NALF1: variants seen among roughly 807,000 people sequenced by gnomAD.
The protein encoded by NALF1 is family with sequence similarity 155 member A.
Under a neutral mutation model 48.4 loss-of-function variants are expected in NALF1, and 3 were observed. The observed-to-expected ratio is 0.06, with a 90% confidence interval of 0.03 to 0.16. The LOEUF (loss-of-function observed/expected upper bound fraction) is 0.16, where lower values mean the gene tolerates loss of function less well. NALF1 is among the 10% of genes least tolerant of loss of function. The pLI is 1.00. For synonymous variants in NALF1, 262 were observed against 245.7 expected (o/e 1.07, Z -0.62); for missense variants, 526 against 571.5 (o/e 0.92, Z 0.81).
At chr13:107,176,306 C>T (rs1348040233) in intron 2 of NALF1, among the ~76,000 whole-genome samples, 1 of 146,570 alleles carries the variant, frequency 6.8e-6, no homozygotes, top group East Asian at 2.0e-4. Context: ...ATTACAGTAC[C>T]AACCTCACAG....
chr13:107,777,405 G>A (rs716186), intron 1 of NALF1, among the ~76,000 whole-genome samples: 20,793 of 152,142 alleles, frequency 0.14, 1,625 homozygotes, highest in Admixed American at 0.23. Flanking sequence ...CAAATCTCAC[G>A]TTGAATTGCA....
intron 1 of NALF1, among the ~76,000 whole-genome samples, chr13:107,539,829 A>C (rs2139118059): frequency 6.6e-6 from 1 of 152,160 alleles, no homozygotes; most frequent in South Asian, 2.1e-4. Flanking sequence ...TAAGACTCAA[A>C]CTCAGTTCTA....
At chr13:107,256,755 T>C (rs570731955) in intron 1 of NALF1, among the ~76,000 whole-genome samples, 74 of 152,328 alleles carry the variant, frequency 4.9e-4, no homozygotes, top group Non-Finnish European at 7.9e-4. Context: ...ACTACAGATA[T>C]AGGAGTTTGC....
At chr13:107,443,047 A>G (rs992941271) in intron 1 of NALF1, among the ~76,000 whole-genome samples, 1 of 152,232 alleles carries the variant, frequency 6.6e-6, no homozygotes, top group African/African-American at 2.4e-5. Flanking sequence ...CATATTAAGA[A>G]GGCAGCATTT....
At chr13:107,755,052 T>C (rs1419864176) in intron 1 of NALF1, among the ~76,000 whole-genome samples, 1 of 152,200 alleles carries the variant, frequency 6.6e-6, no homozygotes, top group Non-Finnish European at 1.5e-5. Flanking sequence ...ACCTCAGCTC[T>C]AAAATTGTTG....
At chr13:107,775,960 C>G (rs893083518) in intron 1 of NALF1, among the ~76,000 whole-genome samples, 5 of 152,136 alleles carry the variant, frequency 3.3e-5, no homozygotes, top group Admixed American at 1.3e-4. Context: ...ATATCATAGT[C>G]CTAAAGTGTC....
At chr13:107,672,109 G>A (rs7993207) in intron 1 of NALF1, among the ~76,000 whole-genome samples, 83,413 of 151,934 alleles carry the variant, frequency 0.55, 24,272 homozygotes, top group African/African-American at 0.72. Context: ...ACACTCCGGG[G>A]TCCGCATGAG....
At chr13:107,816,566 C>T (rs1879169681) in intron 1 of NALF1, among the ~76,000 whole-genome samples, 1 of 152,072 alleles carries the variant, frequency 6.6e-6, no homozygotes, top group African/African-American at 2.4e-5. Context: ...TCTCACACAA[C>T]CCATGGGAAT....
At chr13:107,724,958 C>T (rs530220362) in intron 1 of NALF1, among the ~76,000 whole-genome samples, 1 of 152,200 alleles carries the variant, frequency 6.6e-6, no homozygotes, top group Non-Finnish European at 1.5e-5. Flanking sequence ...TTCACTGATA[C>T]TTCTCATTCT....
chr13:107,618,738 A>G (rs1169756928), intron 1 of NALF1, among the ~76,000 whole-genome samples: 1 of 152,114 alleles, frequency 6.6e-6, no homozygotes, highest in Non-Finnish European at 1.5e-5. Flanking sequence ...CTGACTGACC[A>G]CTTGTTAGGT....
intron 1 of NALF1, among the ~76,000 whole-genome samples, chr13:107,569,369 C>G (rs2476501): frequency 0.71 from 108,366 of 151,812 alleles, 39,094 homozygotes; most frequent in East Asian, 0.8. Flanking sequence ...CTACTCGGGA[C>G]GCTGAGGCAG....
chr13:107,550,546 ATC>A (rs1877264138), intron 1 of NALF1, among the ~76,000 whole-genome samples: 1 of 152,130 alleles, frequency 6.6e-6, no homozygotes. Flanking sequence ...GTCCGCCAGC[ATC>A]TCTCTCATTG....
At chr13:107,794,472 T>TTG (rs551336139) in intron 1 of NALF1, among the ~76,000 whole-genome samples, 2 of 65,424 alleles carry the variant, frequency 3.1e-5, no homozygotes, top group Admixed American at 2.2e-4. Context: ...GCATGCAGTG[T>TTG]TTTTTTTTTT....
Position 107,323,550 on chromosome 13 carries a change from C to A in NALF1, c.916-112795G>T, listed in dbSNP as rs191701028. Among the ~76,000 whole-genome samples, 14 of 152,062 alleles carry A rather than the reference C, an allele frequency of 9.2e-5. No homozygotes were observed. The East Asian group carries it at 2.5e-3, about 27-fold the overall frequency. On this transcript the variant is annotated intron_variant, in intron 1 of 2. Coordinates refer to ENST00000375915, the MANE Select transcript of NALF1 (RefSeq NM_001080396.3). ...CGCTTTTTAAAAACACAAATCTGATCAACTTCCTCTGCTTAAAGTCTTCCA... is the reference window on the plus strand; with the variant it reads ...CGCTTTTTAAAAACACAAATCTGATAAACTTCCTCTGCTTAAAGTCTTCCA...
chr13:107,294,875 T>C (rs1881695061), intron 1 of NALF1, among the ~76,000 whole-genome samples: 2 of 152,208 alleles, frequency 1.3e-5, no homozygotes, highest in Non-Finnish European at 2.9e-5. Context: ...AATGAGACCA[T>C]GTACAATGTT....
chr13:107,668,416 G>A (rs913208522), intron 1 of NALF1, among the ~76,000 whole-genome samples: 2 of 151,784 alleles, frequency 1.3e-5, no homozygotes, highest in African/African-American at 4.8e-5. Context: ...CCGAAGAGCT[G>A]GTGGTGCCTC....
chr13:107,445,916 A>C lies in NALF1; in HGVS notation c.916-235161T>G, dbSNP rs548924663. 8.5e-5 allele frequency among the ~76,000 whole-genome samples: 13 copies of C among 152,252 alleles called. No individual in the cohort carries two copies. The East Asian group carries it at 2.3e-3, about 27-fold the overall frequency. ...TTGGACTTTTTATTATAATGCTTTA[A>C]AAATACTGGTCACATTTATATTTGG... is the stretch of plus-strand genomic sequence containing the variant. On this transcript the variant is annotated intron_variant, in intron 1 of 2. Coordinates refer to ENST00000375915, the MANE Select transcript of NALF1 (RefSeq NM_001080396.3).
chr13:107,756,574 C>A (rs963450528), intron 1 of NALF1, among the ~76,000 whole-genome samples: 3 of 151,848 alleles, frequency 2.0e-5, no homozygotes, highest in Non-Finnish European at 4.4e-5. Context: ...CGTATTGTTA[C>A]GACTGTCATT....
intron 1 of NALF1, among the ~76,000 whole-genome samples, chr13:107,606,357 T>TTATC (rs1419144648): frequency 6.6e-6 from 1 of 150,588 alleles, no homozygotes; most frequent in East Asian, 2.1e-4. Flanking sequence ...TATGTATATC[T>TTATC]TATTTATTTA....
Sources: gnomAD v4.1 joint callset for allele counts (sites outside exome capture counted in the v4.1 genomes callset) on GRCh38, gnomAD v4.1.1 for gene constraint, MANE v1.5 for transcripts, NCBI Gene and HGNC (gene_info 2026-07-23, HGNC 2026-07-21) for gene names.